PRSS12: variants seen among roughly 807,000 people sequenced by gnomAD.
PRSS12 encodes the protein serine protease 12.
In PRSS12, 85 loss-of-function variants were observed where a neutral mutation model predicts 104.4. The observed-to-expected ratio is 0.81, with a 90% CI of 0.68 to 0.98. The LOEUF (loss-of-function observed/expected upper bound fraction) is 0.98, where lower values mean the gene tolerates loss of function less well. Ranked by LOEUF, PRSS12 falls within the 50% of genes least tolerant of loss-of-function variation. The pLI is 0.00. For synonymous variants in PRSS12, 454 were observed against 425.2 expected, an observed-to-expected ratio of 1.07 and a Z score of -0.83; for missense variants, 1,141 against 1,139.2, an observed-to-expected ratio of 1.00 and a Z score of -0.02.
chr4:118,289,992 TATC>T (rs1743094192), intron 11 of PRSS12, among the ~76,000 whole-genome samples: 1 of 152,182 alleles, frequency 6.6e-6, no homozygotes, highest in African/African-American at 2.4e-5. Flanking sequence ...AGTTTGAAAA[TATC>T]ATCATCCTCT....
At chr4:118,334,460 T>C (rs191241194) in intron 3 of PRSS12, among the ~76,000 whole-genome samples, 26 of 152,204 alleles carry the variant, frequency 1.7e-4, no homozygotes, top group Admixed American at 2.6e-4. Flanking sequence ...TGAAGCAGCA[T>C]TGGATTTAGC....
At chr4:118,315,889 A>G (rs1743894069) in intron 6 of PRSS12, among the ~76,000 whole-genome samples, 1 of 152,218 alleles carries the variant, frequency 6.6e-6, no homozygotes, top group Non-Finnish European at 1.5e-5. Context: ...AATAAAAATG[A>G]GCATTCAAAG....
At chr4:118,348,226 A>G (rs769381381) in intron 1 of PRSS12, among the ~76,000 whole-genome samples, 2 of 152,210 alleles carry the variant, frequency 1.3e-5, no homozygotes, top group African/African-American at 2.4e-5. Flanking sequence ...TAAAATAACC[A>G]TATTCCAGTG....
Position 118,316,263 on chromosome 4 carries a change from T to C in PRSS12, c.1211A>G (p.Tyr404Cys), listed in dbSNP as rs1352462421. ...GSHEGRLEVY[Y>C]RGQWGTVCDD... Reference sequence around the variant, plus strand: ...ACAGACAGTTCCCCACTGGCCTCTGTAATATACCTCCAAGCGACCCTCATG... The same window carrying C: ...ACAGACAGTTCCCCACTGGCCTCTGCAATATACCTCCAAGCGACCCTCATG... Residue 404 changes from tyrosine (Y) to cysteine (C), a missense_variant, in exon 6 of 13, where the codon TAC (tyrosine) becomes TGC (cysteine). Coordinates refer to ENST00000296498, the MANE Select transcript of PRSS12 (RefSeq NM_003619.4). The C allele has an allele frequency of 1.9e-6, 3 of 1,614,082 alleles. No individual in the cohort carries two copies. Among genetic ancestry groups the C allele is most frequent in the East Asian group, 2.2e-5 (1 of 44,860 alleles).
rs1171244069 is a variant in PRSS12 at position 118,352,933 on chromosome 4, T to G, written c.-213A>C. ...CCTGTCCCCTGGCGGCGGCCGCGGG[T>G]GGGGAAATCTGGAGCTCAGCCGAGC... On this transcript the variant is annotated 5_prime_UTR_variant, in exon 1 of 13. Coordinates refer to ENST00000296498, the MANE Select transcript of PRSS12 (RefSeq NM_003619.4). The G allele has an allele frequency of 2.4e-6, 3 of 1,258,894 alleles. No individual in the cohort carries two copies. Among genetic ancestry groups the G allele is most frequent in the Non-Finnish European group, 2.1e-6 (2 of 967,468 alleles). 78.0% of individuals were successfully genotyped at this position (1,258,894 alleles called of 1,614,324 possible).
intron 1 of PRSS12, among the ~76,000 whole-genome samples, chr4:118,349,024 T>C (rs987919116): frequency 6.6e-6 from 1 of 152,088 alleles, no homozygotes; most frequent in South Asian, 2.1e-4. Context: ...TCCTGCTCTC[T>C]GACATCTGAG....
chr4:118,333,924 G>A (rs532556582), intron 3 of PRSS12, among the ~76,000 whole-genome samples: 1 of 152,154 alleles, frequency 6.6e-6, no homozygotes, highest in African/African-American at 2.4e-5. Flanking sequence ...TTAGCTTATA[G>A]ATAATTAAAC....
chr4:118,332,500 G>A (rs1275280553), intron 3 of PRSS12, among the ~76,000 whole-genome samples: 1 of 152,142 alleles, frequency 6.6e-6, no homozygotes, highest in African/African-American at 2.4e-5. Context: ...GCCCTTGTCA[G>A]ACTGTGAACT....
At chr4:118,322,995 GT>G in intron 4 of PRSS12, among the ~76,000 whole-genome samples, 1 of 152,166 alleles carries the variant, frequency 6.6e-6, no homozygotes, top group Non-Finnish European at 1.5e-5. Flanking sequence ...CAGAAACCAA[GT>G]TTTATTGGAA....
intron 1 of PRSS12, among the ~76,000 whole-genome samples, chr4:118,341,449 G>A (rs1916687): frequency 0.045 from 6,915 of 152,124 alleles, 234 homozygotes; most frequent in South Asian, 0.081. Flanking sequence ...TTGGGAGGCC[G>A]AGGTGGGTGG....
intron 1 of PRSS12, among the ~76,000 whole-genome samples, chr4:118,339,505 T>C (rs1032553341): frequency 2.6e-5 from 4 of 152,162 alleles, no homozygotes; most frequent in Admixed American, 2.6e-4. Flanking sequence ...AAGAAAAACA[T>C]ATTATATTTC....
chr4:118,312,577 G>A (rs1010467191), intron 7 of PRSS12, among the ~76,000 whole-genome samples: 16 of 152,090 alleles, frequency 1.1e-4, no homozygotes, highest in Admixed American at 9.2e-4. Context: ...AATACAGTTA[G>A]AGGAGCTAGT....
chr4:118,346,937 A>C (rs1374758863), intron 1 of PRSS12, among the ~76,000 whole-genome samples: 1 of 152,224 alleles, frequency 6.6e-6, no homozygotes, highest in Non-Finnish European at 1.5e-5. Context: ...TGGTGTCTTA[A>C]CACATAGGCG....
chr4:118,335,803 G>A (rs2126041926), intron 2 of PRSS12, 152 bp from the exon 3 acceptor site: 1 of 769,406 alleles, frequency 1.3e-6, no homozygotes, highest in East Asian at 2.7e-5. Flanking sequence ...GACTACATCA[G>A]TTTCAAGGAA....
chr4:118,318,320 G>A, intron 5 of PRSS12, 58 bp downstream of exon 5: 1 of 1,524,866 alleles, frequency 6.6e-7, no homozygotes, highest in Non-Finnish European at 9.0e-7. Flanking sequence ...GGAAGCTGTG[G>A]CAGGCCGACA....
Position 118,318,527 on chromosome 4 carries a change from T to C in PRSS12, c.1001A>G (p.Tyr334Cys), listed in dbSNP as rs1346644407. Residue 334 changes from tyrosine to cysteine, a missense_variant, in exon 5 of 13, where the codon TAT (tyrosine) becomes TGT (cysteine). Physicochemically the swap from Tyr to Cys is radical, Grantham distance 194. Transcript: ENST00000296498. The stretch of plus-strand genomic sequence containing the variant: ...AACTGGGCCAGACCCTTCCCCAAAA[T>C]ATGCCTGATGCCATGCTTTGGCAAT... ...SGIAKAWHQA[Y>C]FGEGSGPVML... 6.2e-7 allele frequency: 1 copy of C among 1,614,120 alleles called. No homozygotes were observed. Among genetic ancestry groups the C allele is most frequent in the East Asian group, 2.2e-5 (1 of 44,860 alleles).
At chr4:118,348,422 T>C (rs1333911103) in intron 1 of PRSS12, among the ~76,000 whole-genome samples, 2 of 152,220 alleles carry the variant, frequency 1.3e-5, no homozygotes, top group Non-Finnish European at 2.9e-5. Flanking sequence ...AGGTGGGTTC[T>C]AATGCCCTTC....
At chr4:118,315,823 G>C (rs573112193) in intron 6 of PRSS12, among the ~76,000 whole-genome samples, 1 of 152,290 alleles carries the variant, frequency 6.6e-6, no homozygotes, top group African/African-American at 2.4e-5. Context: ...AGACTTCTCT[G>C]CAATTTTAGA....
chr4:118,282,197 A>C lies in PRSS12; in HGVS notation c.2367T>G (p.Leu789=). ...AACGTTCTTCACAAAACCTTTTAGG[A>C]AGTAAGGGAATGGCTGCTTGTTGTA... is the stretch of plus-strand genomic sequence containing the variant. ...RTLQQAAIPL[L]PKRFCEERYK... is the part of the protein sequence containing the mutation. Residue 789 remains leucine, a synonymous_variant, in exon 13 of 13, where the codon CTT becomes CTG. Coordinates refer to ENST00000296498, the MANE Select transcript of PRSS12 (RefSeq NM_003619.4). The C allele has an allele frequency of 2.5e-6, 4 of 1,614,188 alleles. No individual in the cohort carries two copies. Among genetic ancestry groups the C allele is most frequent in the Non-Finnish European group, 3.4e-6 (4 of 1,180,026 alleles).
Sources: allele counts gnomAD v4.1 joint callset (sites outside exome capture counted in the v4.1 genomes callset), GRCh38; gene constraint gnomAD v4.1.1; transcripts MANE v1.5; gene names NCBI Gene and HGNC (gene_info 2026-07-23, HGNC 2026-07-21).